Variants in HECW2 observed in about 807,000 individuals in gnomAD.
HECW2 encodes the protein E3 ubiquitin-protein ligase HECW2.
A neutral mutation model predicts 175.2 loss-of-function variants in HECW2; 61 were observed. The ratio of observed to expected loss-of-function variants is 0.35; its 90% CI spans 0.28 to 0.43. The LOEUF (loss-of-function observed/expected upper bound fraction) is 0.43, where lower values mean the gene tolerates loss of function less well. Among genes scored for constraint, HECW2 ranks in the 20% least tolerant of loss-of-function variants. The probability of loss-of-function intolerance (pLI) is 1.00; values close to 1 mark genes in which losing one functional copy is unlikely to be tolerated. For synonymous variants in HECW2, 671 were observed against 731.0 expected, an observed-to-expected ratio of 0.92 and a Z score of 1.32; for missense variants, 1,524 against 2,000.5, an observed-to-expected ratio of 0.76 and a Z score of 4.54.
intron 1 of HECW2, among the ~76,000 whole-genome samples, chr2:196,527,702 A>G (rs1037666131): frequency 1.3e-5 from 2 of 152,242 alleles, no homozygotes; most frequent in Admixed American, 1.3e-4. Context: ...ATCTGCATGA[A>G]TTTTTAAAGT....
chr2:196,449,683 G>T (rs1696287523), intron 1 of HECW2, among the ~76,000 whole-genome samples: 1 of 152,112 alleles, frequency 6.6e-6, no homozygotes, highest in Admixed American at 6.5e-5. Flanking sequence ...TGCTAAGAAT[G>T]CTGCACTACT....
At chr2:196,587,315 T>G (rs1691018224) in intron 1 of HECW2, among the ~76,000 whole-genome samples, 1 of 152,252 alleles carries the variant, frequency 6.6e-6, no homozygotes, top group African/African-American at 2.4e-5. Flanking sequence ...GATTACGGAT[T>G]CATTTGGTCC....
intron 19 of HECW2, among the ~76,000 whole-genome samples, chr2:196,247,177 G>T (rs1228289835): frequency 6.6e-6 from 1 of 152,162 alleles, no homozygotes; most frequent in Non-Finnish European, 1.5e-5. Context: ...CTTGAACCCA[G>T]GAGGCGGAGG....
intron 25 of HECW2, 142 bp downstream of exon 25, chr2:196,220,653 G>A: frequency 1.2e-6 from 1 of 858,622 alleles, no homozygotes; most frequent in Non-Finnish European, 1.8e-6. Context: ...TGAAACATAA[G>A]GGAAAAAATA....
chr2:196,194,292 T>C lies in HECW2; in HGVS notation c.*6985A>G, dbSNP rs1482845711. 6.6e-6 allele frequency: 1 copy of C among 151,972 alleles called. No homozygotes were observed. Among genetic ancestry groups the C allele is most frequent in the East Asian group, 1.9e-4 (1 of 5,202 alleles). 9.4% of individuals were successfully genotyped at this position (151,972 alleles called of 1,614,324 possible). ...TTTATAGAGCTGCAAACTAATGCCA[T>C]GAAATCTTTATCTCTACTTCTATTC... On this transcript the variant is annotated 3_prime_UTR_variant, in exon 29 of 29. Coordinates refer to ENST00000644978, the MANE Select transcript of HECW2 (RefSeq NM_001348768.2).
intron 2 of HECW2, among the ~76,000 whole-genome samples, chr2:196,419,716 G>A (rs1253079910): frequency 6.6e-6 from 1 of 152,108 alleles, no homozygotes; most frequent in Non-Finnish European, 1.5e-5. Context: ...TGTGTAGTGG[G>A]GTGGCTACCT....
intron 2 of HECW2, among the ~76,000 whole-genome samples, chr2:196,347,103 A>G (rs1433635424): frequency 1.3e-5 from 2 of 149,906 alleles, no homozygotes; most frequent in Non-Finnish European, 3.0e-5. Flanking sequence ...CCCAGGCTGG[A>G]GTACAGTGGT....
chr2:196,509,590 A>G (rs952087183), intron 1 of HECW2, among the ~76,000 whole-genome samples: 3 of 152,374 alleles, frequency 2.0e-5, no homozygotes, highest in Admixed American at 2.0e-4. Context: ...TGGGGATCCC[A>G]AGGATTTTAA....
At chr2:196,559,885 G>C (rs1282673276) in intron 1 of HECW2, among the ~76,000 whole-genome samples, 1 of 152,100 alleles carries the variant, frequency 6.6e-6, no homozygotes, top group Non-Finnish European at 1.5e-5. Context: ...ATAAATATCT[G>C]AATTCCTTTC....
intron 28 of HECW2, among the ~76,000 whole-genome samples, chr2:196,205,742 C>G (rs1687044387): frequency 6.6e-6 from 1 of 151,808 alleles, no homozygotes; most frequent in Non-Finnish European, 1.5e-5. Context: ...TTGGGGTGGG[C>G]CTGGGGGAAT....
At chr2:196,278,152 A>ATATATATATATATAT (rs1553489733) in intron 15 of HECW2, among the ~76,000 whole-genome samples, 60 of 119,932 alleles carry the variant, frequency 5.0e-4, no homozygotes, top group East Asian at 1.3e-3. Context: ...ATATATATAT[A>ATATATATATATATAT]AAGAAATTCC....
At chr2:196,383,484 G>A (rs901131105) in intron 2 of HECW2, among the ~76,000 whole-genome samples, 3 of 152,198 alleles carry the variant, frequency 2.0e-5, no homozygotes, top group Admixed American at 6.5e-5. Context: ...CACCAACTAA[G>A]GTGGAAGAAG....
intron 1 of HECW2, among the ~76,000 whole-genome samples, chr2:196,468,923 A>G (rs1412723679): frequency 6.6e-6 from 1 of 152,172 alleles, no homozygotes; most frequent in Non-Finnish European, 1.5e-5. Flanking sequence ...GACAGCATTT[A>G]AGTTGCAAAA....
intron 2 of HECW2, among the ~76,000 whole-genome samples, chr2:196,391,190 G>C (rs1455288576): frequency 3.9e-5 from 6 of 152,110 alleles, no homozygotes; most frequent in African/African-American, 1.4e-4. Flanking sequence ...TCTTCTACCA[G>C]GTGACCCCTC....
At chr2:196,529,501 C>T (rs1313719344) in intron 1 of HECW2, among the ~76,000 whole-genome samples, 1 of 152,076 alleles carries the variant, frequency 6.6e-6, no homozygotes, top group Non-Finnish European at 1.5e-5. Context: ...GAATAATACC[C>T]CTCATGCCAG....
chr2:196,271,397 C>T, intron 16 of HECW2, 108 bp from the exon 17 acceptor site: 1 of 736,068 alleles, frequency 1.4e-6, no homozygotes, highest in Non-Finnish European at 2.3e-6. Context: ...AATTTTCCTG[C>T]CTCAGGCTTG....
chr2:196,318,642 C>A lies in HECW2; in HGVS notation c.2248G>T (p.Ala750Ser), dbSNP rs757738059. ...CCTTCTTCTTGCGGTGGGCTCTCGG[C>A]AGCAGCTGCAGCTCCCTCCAGGCTC... ...RGSLEGAAAA[A>S]ESPPQEEGSA... The change falls in exon 9 of 29, where the codon GCC becomes TCC. Residue 750 changes from alanine (A) to serine (S), a missense_variant. By Grantham distance (99) the Ala-to-Ser change is moderately conservative (BLOSUM62 1). Coordinates refer to ENST00000644978, the MANE Select transcript of HECW2 (RefSeq NM_001348768.2). 6.3e-7 allele frequency: 1 copy of A among 1,599,444 alleles called. No homozygotes were observed. The highest frequency in any genetic ancestry group is 2.2e-5 in the East Asian group (1 of 44,676).
At chr2:196,527,829 A>G (rs933094692) in intron 1 of HECW2, among the ~76,000 whole-genome samples, 1 of 152,174 alleles carries the variant, frequency 6.6e-6, no homozygotes, top group East Asian at 1.9e-4. Flanking sequence ...TAAGAAACAT[A>G]TTTAAGTGAC....
chr2:196,334,773 G>A (rs756265551), intron 3 of HECW2, among the ~76,000 whole-genome samples: 8 of 152,290 alleles, frequency 5.3e-5, no homozygotes, highest in South Asian at 2.1e-4. Context: ...ATAGTGTAGC[G>A]ATAAGAATGG....
Sources: gnomAD v4.1 joint callset for allele counts (sites outside exome capture counted in the v4.1 genomes callset) on GRCh38, gnomAD v4.1.1 for gene constraint, MANE v1.5 for transcripts, NCBI Gene and HGNC (gene_info 2026-07-23, HGNC 2026-07-21) for gene names.